The following ZNF81 variants were observed in gnomAD, a reference collection of about 807,000 sequenced individuals.
ZNF81 encodes zinc finger protein 81 (HFZ20).
In ZNF81, 5 loss-of-function variants were observed where a neutral mutation model predicts 32.3. The observed-to-expected ratio is 0.15, with a 90% CI of 0.08 to 0.33. The LOEUF (loss-of-function observed/expected upper bound fraction) is 0.33, where lower values mean the gene tolerates loss of function less well. Among genes scored for constraint, ZNF81 ranks in the 10% least tolerant of loss-of-function variants. The probability of loss-of-function intolerance (pLI) is 1.00; values close to 1 mark genes in which losing one functional copy is unlikely to be tolerated. For synonymous variants in ZNF81, 163 were observed against 166.8 expected (o/e 0.98, Z 0.17); for missense variants, 379 against 479.8 (o/e 0.79, Z 1.96).
At chrX:47,841,823 A>G (rs1179051699) in intron 1 of ZNF81, 35 of 364,899 alleles carry the variant, frequency 9.6e-5, no homozygotes, top group Non-Finnish European at 9.3e-6. Flanking sequence ...TCTGTTTTCA[A>G]TTTCATTGAT....
At chrX:47,900,579 C>T (rs183990790) in intron 4 of ZNF81, among the ~76,000 whole-genome samples, 1 of 112,162 alleles carries the variant, frequency 8.9e-6, no homozygotes, top group East Asian at 2.8e-4. Flanking sequence ...ATCAAAAGAA[C>T]ATTTTTCTGC....
chrX:47,884,456 C>T (rs1428150233), intron 2 of ZNF81, among the ~76,000 whole-genome samples: 1 of 110,079 alleles, frequency 9.1e-6, no homozygotes, highest in Non-Finnish European at 1.9e-5. Context: ...TCCATGTTGG[C>T]TGGGGCTGCA....
intron 2 of ZNF81, among the ~76,000 whole-genome samples, chrX:47,846,779 G>C (rs1434359192): frequency 9.0e-6 from 1 of 111,549 alleles, no homozygotes; most frequent in African/African-American, 3.3e-5. Context: ...AGAATGTTTT[G>C]GGTGTTATCT....
rs782787303 is a variant in ZNF81, at chrX:47,848,435, G to A, written c.54+2114G>A. On this transcript the variant is annotated intron_variant, in intron 2 of 4. Transcript: ENST00000338637. ...AACTTTATCTTCCAAATCTTCTTTT[G>A]TGTCTCTCATTAATGCTGTTATATT... Among the ~76,000 whole-genome samples, 5 of 111,031 alleles carry A rather than the reference G, an allele frequency of 4.5e-5. No individual in the cohort carries two copies. In the East Asian group the frequency reaches 1.4e-3, roughly 32 times the overall value.
chrX:47,853,724 T>C (rs1477676602), intron 2 of ZNF81, among the ~76,000 whole-genome samples: 1 of 110,783 alleles, frequency 9.0e-6, no homozygotes, highest in Non-Finnish European at 1.9e-5. Flanking sequence ...TTTTAAATTT[T>C]TTTTTTTAAG....
chrX:47,914,546 G>A (rs1211029396), intron 4 of ZNF81, among the ~76,000 whole-genome samples: 1 of 111,830 alleles, frequency 8.9e-6, no homozygotes, highest in Non-Finnish European at 1.9e-5. Context: ...ATGCTATATG[G>A]GTTTGTAGCA....
intron 4 of ZNF81, among the ~76,000 whole-genome samples, chrX:47,906,838 A>G (rs2058722658): frequency 8.9e-6 from 1 of 112,636 alleles, no homozygotes; most frequent in African/African-American, 3.2e-5. Context: ...TAAAATCAAG[A>G]TAACCTCTTG....
chrX:47,865,537 A>G (rs1556883154), intron 2 of ZNF81, among the ~76,000 whole-genome samples: 1 of 112,004 alleles, frequency 8.9e-6, no homozygotes, highest in Admixed American at 9.4e-5. Context: ...AGGGTCATTT[A>G]GGCTTTGGGG....
chrX:47,864,922 G>C (rs782300171), intron 2 of ZNF81, among the ~76,000 whole-genome samples: 201 of 112,205 alleles, frequency 1.8e-3, no homozygotes, highest in Non-Finnish European at 3.6e-3. Context: ...ATATAAAAGA[G>C]AATATTGAGC....
intron 4 of ZNF81, among the ~76,000 whole-genome samples, chrX:47,910,254 A>C (rs1454746687): frequency 1.8e-5 from 2 of 111,718 alleles, no homozygotes; most frequent in Admixed American, 9.5e-5. Context: ...AATTAAACTA[A>C]AGAGCTTCTG....
chrX:47,845,234 T>A (rs1315481237), intron 1 of ZNF81, among the ~76,000 whole-genome samples: 2 of 111,752 alleles, frequency 1.8e-5, no homozygotes, highest in Non-Finnish European at 3.8e-5. Context: ...TCCTCTTTTT[T>A]AAGTAGATAT....
In ZNF81 at chrX:47,908,364, C is replaced by T. The variant is rs1487173312; in HGVS notation, c.278-6560C>T. 9.0e-5 allele frequency among the ~76,000 whole-genome samples: 10 copies of T among 111,131 alleles called. No individual in the cohort carries two copies. In the Admixed American group the frequency reaches 9.6e-4, roughly 11 times the overall value. ...ACATACATACATACAAAAAAAAGGG[C>T]TAAAATTTAAGACTGACAATTATCA... On this transcript the variant is annotated intron_variant, in intron 4 of 4. Transcript: ENST00000338637.
At chrX:47,864,852 T>C (rs1363985303) in intron 2 of ZNF81, among the ~76,000 whole-genome samples, 1 of 112,616 alleles carries the variant, frequency 8.9e-6, no homozygotes, top group Admixed American at 9.4e-5. Context: ...TCTCAGTCTG[T>C]AGTCTTCCAA....
intron 4 of ZNF81, among the ~76,000 whole-genome samples, chrX:47,913,276 G>A (rs782559576): frequency 2.1e-4 from 23 of 112,083 alleles, no homozygotes; most frequent in Admixed American, 3.8e-4. Flanking sequence ...TACTCAGGAA[G>A]CTGAGGCAGG....
At chrX:47,852,009 C>A (rs191678045) in intron 2 of ZNF81, among the ~76,000 whole-genome samples, 1 of 112,203 alleles carries the variant, frequency 8.9e-6, no homozygotes, top group African/African-American at 3.2e-5. Context: ...GGAGATATTG[C>A]GGGTTCGATT....
At chrX:47,840,998 C>T (rs183052520) in intron 1 of ZNF81, 4 of 786,358 alleles carry the variant, frequency 5.1e-6, no homozygotes, top group East Asian at 3.2e-5. Flanking sequence ...TTGATGTGTT[C>T]ACCCCGATAG....
chrX:47,874,693 G>A (rs1227834894), intron 2 of ZNF81, among the ~76,000 whole-genome samples: 4 of 112,240 alleles, frequency 3.6e-5, no homozygotes, highest in Non-Finnish European at 7.5e-5. Flanking sequence ...TGTAGAATTA[G>A]ATAGCACTTG....
At chrX:47,883,387 G>A (rs1040050949) in intron 2 of ZNF81, among the ~76,000 whole-genome samples, 12 of 112,287 alleles carry the variant, frequency 1.1e-4, no homozygotes, top group African/African-American at 3.9e-4. Flanking sequence ...TTGATGAGCA[G>A]AAGTTTTAAT....
intron 2 of ZNF81, among the ~76,000 whole-genome samples, chrX:47,851,589 G>T (rs1175923204): frequency 2.7e-5 from 3 of 111,336 alleles, no homozygotes; most frequent in Non-Finnish European, 5.7e-5. Flanking sequence ...TTCTATTAGG[G>T]TGTTGCTATT....
Sources: allele counts gnomAD v4.1 joint callset (sites outside exome capture counted in the v4.1 genomes callset), GRCh38; gene constraint gnomAD v4.1.1; transcripts MANE v1.5; gene names NCBI Gene and HGNC (gene_info 2026-07-23, HGNC 2026-07-21).